CACHD1: variants seen among roughly 807,000 people sequenced by gnomAD.
CACHD1 encodes VWFA and cache domain-containing protein 1.
Under a neutral mutation model 138.7 loss-of-function variants are expected in CACHD1, and 71 were observed. The observed-to-expected ratio is 0.51, with a 90% CI of 0.42 to 0.62. The LOEUF (loss-of-function observed/expected upper bound fraction) is 0.62, where lower values mean the gene tolerates loss of function less well. CACHD1 is among the 20% of genes least tolerant of loss of function. The probability of loss-of-function intolerance (pLI) is 0.00; values close to 1 mark genes in which losing one functional copy is unlikely to be tolerated. For missense variants in CACHD1, 1,389 were observed against 1,625.3 expected, an observed-to-expected ratio of 0.85 and a Z score of 2.50; for synonymous variants, 578 against 591.5, an observed-to-expected ratio of 0.98 and a Z score of 0.33.
intron 9 of CACHD1, 145 bp from the exon 10 acceptor site, chr1:64,652,016 A>T: frequency 3.2e-6 from 2 of 619,722 alleles, no homozygotes; most frequent in East Asian, 6.4e-5. Flanking sequence ...GCAATGCTTG[A>T]TTACTGGACC....
intron 3 of CACHD1, among the ~76,000 whole-genome samples, chr1:64,596,311 C>A (rs912698956): frequency 2.4e-4 from 37 of 152,280 alleles, no homozygotes; most frequent in African/African-American, 8.7e-4. Context: ...TTGTTTAATT[C>A]TTTTCAACTG....
chr1:64,474,834 A>C (rs1485005749), intron 1 of CACHD1, among the ~76,000 whole-genome samples: 1 of 152,226 alleles, frequency 6.6e-6, no homozygotes, highest in Non-Finnish European at 1.5e-5. Context: ...CCTGCCTTAA[A>C]GTTAGCCCAA....
intron 4 of CACHD1, among the ~76,000 whole-genome samples, chr1:64,614,852 A>G (rs1397179661): frequency 6.6e-6 from 1 of 152,196 alleles, no homozygotes; most frequent in African/African-American, 2.4e-5. Flanking sequence ...ATTAACGTAG[A>G]GACCCCCCAA....
chr1:64,513,579 T>C (rs1646437412), intron 1 of CACHD1, among the ~76,000 whole-genome samples: 1 of 152,196 alleles, frequency 6.6e-6, no homozygotes, highest in Admixed American at 6.5e-5. Context: ...TCAGGAGATA[T>C]TTCAAACACA....
At chr1:64,565,756 A>T (rs1646876360) in intron 2 of CACHD1, among the ~76,000 whole-genome samples, 1 of 152,154 alleles carries the variant, frequency 6.6e-6, no homozygotes, top group Admixed American at 6.5e-5. Flanking sequence ...TTATCCTCTT[A>T]ATGACATAAG....
At chr1:64,496,875 AAAAAG>A (rs1387935869) in intron 1 of CACHD1, among the ~76,000 whole-genome samples, 4 of 151,702 alleles carry the variant, frequency 2.6e-5, no homozygotes, top group African/African-American at 9.7e-5. Context: ...AAAAAAAAAA[AAAAAG>A]AAAGAAAAAG....
chr1:64,605,198 C>T (rs1022499671), intron 4 of CACHD1, among the ~76,000 whole-genome samples: 8 of 151,882 alleles, frequency 5.3e-5, no homozygotes, highest in South Asian at 2.1e-4. Context: ...CTCCTAAACT[C>T]AGGTGGTCCA....
intron 1 of CACHD1, among the ~76,000 whole-genome samples, chr1:64,481,330 C>G (rs1253045621): frequency 6.6e-6 from 1 of 151,854 alleles, no homozygotes; most frequent in South Asian, 2.1e-4. Context: ...TTTATTTTTG[C>G]ATGGAGTATT....
At chr1:64,566,648 G>A (rs1048162431) in intron 2 of CACHD1, among the ~76,000 whole-genome samples, 24 of 149,036 alleles carry the variant, frequency 1.6e-4, no homozygotes, top group Non-Finnish European at 2.5e-4. Flanking sequence ...TTTTCCCCCA[G>A]CAATTCATCT....
intron 3 of CACHD1, among the ~76,000 whole-genome samples, chr1:64,597,524 GTTTTTT>G (rs34162933): frequency 1.2e-5 from 1 of 80,398 alleles, no homozygotes; most frequent in Non-Finnish European, 2.4e-5. Flanking sequence ...TTTTTTTGTT[GTTTTTT>G]TTTTTTTTTT....
chr1:64,666,669 G>T (rs1363104805), intron 16 of CACHD1, among the ~76,000 whole-genome samples: 1 of 151,826 alleles, frequency 6.6e-6, no homozygotes, highest in Non-Finnish European at 1.5e-5. Context: ...TTGAGACCAG[G>T]AGTTCCGGAC....
intron 11 of CACHD1, among the ~76,000 whole-genome samples, chr1:64,654,448 C>T (rs1483291920): frequency 6.6e-6 from 1 of 152,112 alleles, no homozygotes; most frequent in Non-Finnish European, 1.5e-5. Context: ...ACAAGTTAGT[C>T]TCTGGAAAGA....
chr1:64,571,690 G>A (rs185320996), intron 2 of CACHD1, among the ~76,000 whole-genome samples: 70 of 152,270 alleles, frequency 4.6e-4, no homozygotes, highest in African/African-American at 1.6e-3. Flanking sequence ...TCTCAAAGAA[G>A]CCCTTGAAGA....
At position 64,675,514 on chromosome 1, in the gene CACHD1, C is replaced by T; in HGVS notation, c.2841C>T (p.Ala947=). The T allele has an allele frequency of 1.2e-6, 2 of 1,613,470 alleles. No homozygotes were observed. The highest frequency in any genetic ancestry group is 1.7e-6 in the Non-Finnish European group (2 of 1,179,454). ...TCAACGAAACCTGCGACTCTCTTGC[C>T]TTCTGTGCCTGCAGCATGGTGGACC... ...GIVNETCDSL[A]FCACSMVDRL... The change falls in exon 20 of 27, where the codon GCC becomes GCT. Residue 947 remains alanine (A), a synonymous_variant. Transcript: ENST00000651257.
intron 1 of CACHD1, among the ~76,000 whole-genome samples, chr1:64,477,617 T>TATA (rs1491396086): frequency 6.4e-5 from 9 of 140,756 alleles, no homozygotes; most frequent in African/African-American, 2.4e-4. Flanking sequence ...TTATTATTAT[T>TATA]ATTATTATTT....
intron 1 of CACHD1, among the ~76,000 whole-genome samples, chr1:64,515,220 T>C (rs1646449925): frequency 6.6e-6 from 1 of 152,230 alleles, no homozygotes; most frequent in African/African-American, 2.4e-5. Context: ...TATTTAACAA[T>C]TTCTACTAAT....
intron 1 of CACHD1, among the ~76,000 whole-genome samples, chr1:64,536,792 AT>A (rs1646635823): frequency 6.6e-6 from 1 of 152,346 alleles, no homozygotes; most frequent in South Asian, 2.1e-4. Flanking sequence ...TACCAGCTAC[AT>A]TTAATTGGGC....
intron 16 of CACHD1, among the ~76,000 whole-genome samples, chr1:64,666,898 C>T (rs1649654797): frequency 7.1e-6 from 1 of 140,352 alleles, no homozygotes; most frequent in Admixed American, 7.1e-5. Context: ...ACCAAGATAT[C>T]AAACTTACTG....
chr1:64,636,124 A>G (rs1312488567), intron 7 of CACHD1, among the ~76,000 whole-genome samples: 1 of 147,298 alleles, frequency 6.8e-6, no homozygotes, highest in Non-Finnish European at 1.5e-5. Flanking sequence ...AAAAAAAAAA[A>G]TCTGTTTATA....
Sources: allele counts gnomAD v4.1 joint callset (sites outside exome capture counted in the v4.1 genomes callset), GRCh38; gene constraint gnomAD v4.1.1; transcripts MANE v1.5; gene names NCBI Gene and HGNC (gene_info 2026-07-23, HGNC 2026-07-21).